Variants in KIAA0232 observed in about 807,000 individuals in gnomAD.
KIAA0232 encodes uncharacterized protein KIAA0232.
Under a neutral mutation model 122.0 loss-of-function variants are expected in KIAA0232, and 27 were observed. The observed-to-expected ratio is 0.22, with a 90% CI of 0.16 to 0.31. KIAA0232 has a LOEUF of 0.31. Among genes scored for constraint, KIAA0232 ranks in the 10% least tolerant of loss-of-function variants. The probability of loss-of-function intolerance (pLI) is 1.00; values close to 1 mark genes in which losing one functional copy is unlikely to be tolerated. For synonymous variants in KIAA0232, 613 were observed against 587.6 expected, an observed-to-expected ratio of 1.04 and a Z score of -0.63; for missense variants, 1,551 against 1,634.2, an observed-to-expected ratio of 0.95 and a Z score of 0.88.
intron 3 of KIAA0232, among the ~76,000 whole-genome samples, chr4:6,839,545 T>G (rs1719531226): frequency 6.6e-6 from 1 of 152,210 alleles, no homozygotes; most frequent in Non-Finnish European, 1.5e-5. Flanking sequence ...ACTGCCAGTT[T>G]AGGAATCACC....
chr4:6,862,804 A>G lies in KIAA0232; in HGVS notation c.2422A>G (p.Thr808Ala). ...AACAGAAAACAAAAATTTTGAAACTACACAAGTATGTAATGAAAGTCCACA... is the reference window on the plus strand; with the variant it reads ...AACAGAAAACAAAAATTTTGAAACTGCACAAGTATGTAATGAAAGTCCACA... ...QKTENKNFET[T>A]QVCNESPHGD... is the part of the protein sequence containing the mutation. Residue 808 changes from threonine to alanine, a missense_variant, in exon 7 of 10, where the codon ACA (threonine) becomes GCA (alanine). Coordinates refer to ENST00000307659, the MANE Select transcript of KIAA0232 (RefSeq NM_014743.3). 1 of 1,614,156 alleles carries G rather than the reference A, an allele frequency of 6.2e-7. No individual in the cohort carries two copies. Among genetic ancestry groups the G allele is most frequent in the Non-Finnish European group, 8.5e-7 (1 of 1,180,032 alleles).
chr4:6,825,429 A>C (rs958733674), intron 3 of KIAA0232, among the ~76,000 whole-genome samples: 5 of 152,094 alleles, frequency 3.3e-5, no homozygotes, highest in African/African-American at 1.2e-4. Flanking sequence ...ATGTGCCTGT[A>C]GTCAGTCCGT....
intron 2 of KIAA0232, among the ~76,000 whole-genome samples, chr4:6,813,305 T>A (rs1168522655): frequency 6.6e-6 from 1 of 152,166 alleles, no homozygotes; most frequent in African/African-American, 2.4e-5. Flanking sequence ...TTTGGTCTAC[T>A]TCTTGGAAAG....
intron 3 of KIAA0232, among the ~76,000 whole-genome samples, chr4:6,827,819 T>C (rs931868103): frequency 6.6e-6 from 1 of 152,190 alleles, no homozygotes; most frequent in African/African-American, 2.4e-5. Context: ...AACCACTGCC[T>C]TGTAATATGG....
chr4:6,805,158 A>G (rs895043654), intron 2 of KIAA0232, among the ~76,000 whole-genome samples: 31 of 152,230 alleles, frequency 2.0e-4, no homozygotes, highest in Admixed American at 6.5e-5. Context: ...GACACTGTTT[A>G]TTTAAATATC....
intron 7 of KIAA0232, among the ~76,000 whole-genome samples, chr4:6,868,460 G>T (rs1210736110): frequency 6.6e-6 from 1 of 152,200 alleles, no homozygotes; most frequent in Non-Finnish European, 1.5e-5. Flanking sequence ...TGGACGAGGG[G>T]CATTGGGTTT....
chr4:6,868,619 G>C (rs1167930979), intron 7 of KIAA0232, among the ~76,000 whole-genome samples: 3 of 152,188 alleles, frequency 2.0e-5, no homozygotes, highest in Non-Finnish European at 4.4e-5. Context: ...GGCCGCTGCT[G>C]TGCCTGCCTG....
chr4:6,829,043 C>A lies in KIAA0232; in HGVS notation c.231+4359C>A, dbSNP rs539068388. On this transcript the variant is annotated intron_variant, in intron 3 of 9. Transcript: ENST00000307659. ...ACTTTAATGGCCACATCTCCTTAATCTCCTTTCATCTGTAATAATTCCTTG... is the reference window on the plus strand; with the variant it reads ...ACTTTAATGGCCACATCTCCTTAATATCCTTTCATCTGTAATAATTCCTTG... Among the ~76,000 whole-genome samples the A allele has an allele frequency of 2.0e-5, 3 of 152,048 alleles. No homozygotes were observed. The South Asian group carries it at 6.2e-4, about 32-fold the overall frequency.
intron 3 of KIAA0232, among the ~76,000 whole-genome samples, chr4:6,832,268 T>C (rs1470630469): frequency 6.6e-6 from 1 of 152,144 alleles, no homozygotes; most frequent in Non-Finnish European, 1.5e-5. Context: ...TTCATGACAT[T>C]TTTTATTACC....
intron 3 of KIAA0232, among the ~76,000 whole-genome samples, chr4:6,824,905 C>T (rs908264199): frequency 6.6e-6 from 1 of 152,198 alleles, no homozygotes; most frequent in Non-Finnish European, 1.5e-5. Context: ...GTTAGACTTT[C>T]TCACTGTTGG....
chr4:6,783,721 C>T (rs1482014530), intron 1 of KIAA0232, among the ~76,000 whole-genome samples: 1 of 151,154 alleles, frequency 6.6e-6, no homozygotes, highest in African/African-American at 2.4e-5. Context: ...CGGGCGGGGC[C>T]GGTGCGGCGC....
At chr4:6,808,832 A>G (rs1717751648) in intron 2 of KIAA0232, among the ~76,000 whole-genome samples, 1 of 152,196 alleles carries the variant, frequency 6.6e-6, no homozygotes, top group Non-Finnish European at 1.5e-5. Context: ...GGAAGTAGTT[A>G]GTTCAGCACA....
rs1225501011 is a variant in KIAA0232 at position 6,862,603 on chromosome 4, G to T, written c.2221G>T (p.Asp741Tyr). ...FEESTQFNAE[D>Y]INYVVPRVSS... ...AGAATCCACACAGTTTAATGCCGAA[G>T]ATATTAATTATGTAGTTCCTAGAGT... The change falls in exon 7 of 10, where the codon GAT (aspartate) becomes TAT (tyrosine). Residue 741 changes from aspartate (D) to tyrosine (Y), a missense_variant. This residue lies in a region of KIAA0232 where 1,108 missense variants were observed against 1,154.8 expected (regional missense o/e 0.96). Transcript: ENST00000307659. 16 of 1,613,820 alleles carry T rather than the reference G, an allele frequency of 9.9e-6. No individual in the cohort carries two copies. The highest frequency in any genetic ancestry group is 1.3e-5 in the Non-Finnish European group (15 of 1,179,952).
At chr4:6,868,097 G>C (rs1721280550) in intron 7 of KIAA0232, among the ~76,000 whole-genome samples, 1 of 152,192 alleles carries the variant, frequency 6.6e-6, no homozygotes, top group African/African-American at 2.4e-5. Flanking sequence ...CTAAAACCAA[G>C]CACCTTTCTC....
intron 3 of KIAA0232, among the ~76,000 whole-genome samples, chr4:6,837,205 C>T (rs1176572056): frequency 2.0e-5 from 3 of 150,638 alleles, no homozygotes; most frequent in Non-Finnish European, 4.4e-5. Context: ...GGGGCGGCTG[C>T]CGGGCGGAGG....
intron 2 of KIAA0232, among the ~76,000 whole-genome samples, chr4:6,823,714 CTT>C (rs1718526180): frequency 7.0e-6 from 1 of 143,876 alleles, no homozygotes; most frequent in African/African-American, 2.6e-5. Context: ...AGTCCAATCT[CTT>C]GAGATAGCAA....
chr4:6,798,514 A>C (rs893860817), intron 1 of KIAA0232, among the ~76,000 whole-genome samples: 12 of 152,170 alleles, frequency 7.9e-5, no homozygotes, highest in African/African-American at 2.9e-4. Context: ...TAAATATGTC[A>C]TGCTTCTGAT....
chr4:6,788,341 A>G (rs1296424882), intron 1 of KIAA0232, among the ~76,000 whole-genome samples: 1 of 152,102 alleles, frequency 6.6e-6, no homozygotes, highest in African/African-American at 2.4e-5. Context: ...GTCACCTTAT[A>G]TTTCAACACA....
At chr4:6,837,811 G>C (rs1178637121) in intron 3 of KIAA0232, among the ~76,000 whole-genome samples, 1 of 152,186 alleles carries the variant, frequency 6.6e-6, no homozygotes, top group Non-Finnish European at 1.5e-5. Context: ...GCACCGGGCA[G>C]GCTGAGGCAG....
Sources: gnomAD v4.1 joint callset for allele counts (sites outside exome capture counted in the v4.1 genomes callset) on GRCh38, gnomAD v4.1.1 for gene constraint, gnomAD v4.1.1 regional missense constraint, MANE v1.5 for transcripts, NCBI Gene and HGNC (gene_info 2026-07-23, HGNC 2026-07-21) for gene names.